The following TNFSF4 variants were observed in gnomAD, a reference collection of about 807,000 sequenced individuals.
TNFSF4 encodes the protein TNF superfamily member 4, also known as tumor necrosis factor ligand superfamily member 4.
TNFSF4 carries 4 observed loss-of-function variants against 7.3 expected under a neutral mutation model. The observed-to-expected ratio is 0.55, with a 90% confidence interval of 0.27 to 1.25. The LOEUF (loss-of-function observed/expected upper bound fraction) is 1.25. Among genes scored for constraint, TNFSF4 ranks in the 50% most tolerant of loss-of-function variants. The probability of loss-of-function intolerance (pLI) is 0.12; values close to 1 mark genes in which losing one functional copy is unlikely to be tolerated. For synonymous variants in TNFSF4, 76 were observed against 83.7 expected, an observed-to-expected ratio of 0.91 and a Z score of 0.50; for missense variants, 181 against 208.8, an observed-to-expected ratio of 0.87 and a Z score of 0.82.
the TNFSF4 span, among the ~76,000 whole-genome samples, chr1:173,265,747 C>T: frequency 6.6e-6 from 1 of 152,082 alleles, no homozygotes. Flanking sequence ...CATTTCAATT[C>T]GACTGGGAAT....
At chr1:173,398,409 C>CTTTTTTTTTTTTTTTT in the TNFSF4 span, among the ~76,000 whole-genome samples, 29 of 101,538 alleles carry the variant, frequency 2.9e-4, no homozygotes, top group Non-Finnish European at 3.6e-4. Context: ...TATTTCTTTT[C>CTTTTTTTTTTTTTTTT]TTTTTTTTTT....
intron 1 of TNFSF4, among the ~76,000 whole-genome samples, chr1:173,203,051 A>T (rs567710571): frequency 6.6e-6 from 1 of 152,282 alleles, no homozygotes; most frequent in East Asian, 1.9e-4. Flanking sequence ...TAAATAGTTC[A>T]AAAACCTTCT....
the TNFSF4 span, among the ~76,000 whole-genome samples, chr1:173,344,080 C>A: frequency 6.6e-6 from 1 of 152,148 alleles, no homozygotes; most frequent in East Asian, 1.9e-4. Context: ...ATTTTAACAG[C>A]CCTTTATTGA....
At chr1:173,419,017 C>T in the TNFSF4 span, among the ~76,000 whole-genome samples, 1 of 152,312 alleles carries the variant, frequency 6.6e-6, no homozygotes, top group South Asian at 2.1e-4. Flanking sequence ...GTGGCCCCCA[C>T]GGTGGGGCTG....
the TNFSF4 span, among the ~76,000 whole-genome samples, chr1:173,292,922 T>C: frequency 6.6e-6 from 1 of 151,902 alleles, no homozygotes; most frequent in Non-Finnish European, 1.5e-5. Context: ...TACCAAGAAA[T>C]ACCGCTAACC....
At chr1:173,237,033 A>G in the TNFSF4 span, among the ~76,000 whole-genome samples, 3 of 152,172 alleles carry the variant, frequency 2.0e-5, no homozygotes, top group Admixed American at 1.3e-4. Context: ...TATTGTTCTC[A>G]TGGTAGTAAA....
At chr1:173,405,728 C>T in the TNFSF4 span, among the ~76,000 whole-genome samples, 1 of 152,148 alleles carries the variant, frequency 6.6e-6, no homozygotes, top group African/African-American at 2.4e-5. Context: ...TCAAAGATTA[C>T]ATAAAAAGAG....
chr1:173,253,151 T>C, the TNFSF4 span, among the ~76,000 whole-genome samples: 6 of 152,360 alleles, frequency 3.9e-5, no homozygotes, highest in South Asian at 2.1e-4. Context: ...CCTTCTCTCA[T>C]AGGCAACTCT....
At chr1:173,250,596 A>T in the TNFSF4 span, among the ~76,000 whole-genome samples, 1 of 151,928 alleles carries the variant, frequency 6.6e-6, no homozygotes, top group Non-Finnish European at 1.5e-5. Flanking sequence ...AGTAGCTGGG[A>T]CTACAGGCGA....
At chr1:173,416,170 G>A in the TNFSF4 span, among the ~76,000 whole-genome samples, 1 of 152,198 alleles carries the variant, frequency 6.6e-6, no homozygotes, top group Non-Finnish European at 1.5e-5. Context: ...GTGGTGGGTG[G>A]TGATAGTGTA....
the TNFSF4 span, among the ~76,000 whole-genome samples, chr1:173,449,246 T>A: frequency 6.6e-6 from 1 of 152,208 alleles, no homozygotes; most frequent in African/African-American, 2.4e-5. Context: ...CTGAAGCTGA[T>A]GCCAGAGCTG....
the TNFSF4 span, among the ~76,000 whole-genome samples, chr1:173,264,221 C>T: frequency 6.6e-6 from 1 of 151,886 alleles, no homozygotes; most frequent in Non-Finnish European, 1.5e-5. Flanking sequence ...GATCACTGCT[C>T]AATGCACTCT....
chr1:173,205,501 T>C (rs757170126), intron 1 of TNFSF4: 3 of 1,434,462 alleles, frequency 2.1e-6, no homozygotes, highest in Non-Finnish European at 2.7e-6. Flanking sequence ...TGCTCTCTCC[T>C]GCTCAGAGCC....
At position 173,184,574 on chromosome 1, in the gene TNFSF4, T is replaced by G. The variant is rs1649142620; in HGVS notation, c.*1942A>C. ...CATCTGTGAGAAATATAGATAAAAA[T>G]TCCAAACTTAAAAATGAACCATGCA... On this transcript the variant is annotated 3_prime_UTR_variant, in exon 3 of 3. Transcript: ENST00000281834. 6.6e-6 allele frequency: 1 copy of G among 152,194 alleles called. No homozygotes were observed. Among genetic ancestry groups the G allele is most frequent in the African/African-American group, 2.4e-5 (1 of 41,454 alleles). The allele number at this position is 152,194 out of a possible 1,614,324, so 9.4% of individuals were successfully genotyped here. A position where few individuals can be genotyped will look rare whatever the true frequency, so the allele number is the denominator to read the frequency against.
the TNFSF4 span, among the ~76,000 whole-genome samples, chr1:173,311,718 A>G: frequency 6.6e-6 from 1 of 152,238 alleles, no homozygotes; most frequent in Non-Finnish European, 1.5e-5. Flanking sequence ...TACCAGAACC[A>G]GGAAGAGCCC....
the TNFSF4 span, among the ~76,000 whole-genome samples, chr1:173,402,520 T>C: frequency 6.6e-6 from 1 of 152,236 alleles, no homozygotes; most frequent in African/African-American, 2.4e-5. Flanking sequence ...CCCTGGGCCA[T>C]GCTCTGCACT....
chr1:173,412,060 G>A, the TNFSF4 span, among the ~76,000 whole-genome samples: 2 of 148,444 alleles, frequency 1.3e-5, no homozygotes, highest in African/African-American at 2.5e-5. Context: ...AGGTTGCAGT[G>A]AGCTGAGATT....
intron 1 of TNFSF4, among the ~76,000 whole-genome samples, chr1:173,202,058 C>T (rs569169634): frequency 0.094 from 13,860 of 147,740 alleles, 835 homozygotes; most frequent in African/African-American, 0.15. Flanking sequence ...TATATATATA[C>T]ATATATATAT....
chr1:173,309,222 G>A, the TNFSF4 span, among the ~76,000 whole-genome samples: 1 of 151,294 alleles, frequency 6.6e-6, no homozygotes, highest in Non-Finnish European at 1.5e-5. Flanking sequence ...TGCATTTTTT[G>A]TCTTATTACA....
Sources: gnomAD v4.1 joint callset for allele counts (sites outside exome capture counted in the v4.1 genomes callset) on GRCh38, gnomAD v4.1.1 for gene constraint, MANE v1.5 for transcripts, NCBI Gene and HGNC (gene_info 2026-07-23, HGNC 2026-07-21) for gene names.